The following GBE1 variants were observed in gnomAD, a reference collection of about 807,000 sequenced individuals.
GBE1 encodes the protein 1,4-alpha-glucan branching enzyme 1, also known as 1,4-alpha-glucan-branching enzyme.
GBE1 carries 70 observed loss-of-function variants against 88.8 expected under a neutral mutation model. That is an observed-to-expected ratio of 0.79 (90% CI 0.65 to 0.96). GBE1 has a LOEUF of 0.96. Ranked by LOEUF, GBE1 falls within the 40% of genes least tolerant of loss-of-function variation. The pLI is 0.00. For missense variants in GBE1, 872 were observed against 871.0 expected (o/e 1.00, Z -0.01); for synonymous variants, 284 against 300.1 (o/e 0.95, Z 0.56).
intron 12 of GBE1, among the ~76,000 whole-genome samples, chr3:81,570,342 T>C (rs961335399): frequency 2.8e-4 from 42 of 152,220 alleles, no homozygotes; most frequent in African/African-American, 8.9e-4. Flanking sequence ...GATTCAGAAC[T>C]CATAACTGAT....
intron 7 of GBE1, chr3:81,612,957 G>A (rs762804707): frequency 6.5e-5 from 26 of 397,848 alleles, no homozygotes; most frequent in Non-Finnish European, 1.1e-4. Flanking sequence ...TGATGATGAC[G>A]ATGATGACGC....
intron 2 of GBE1, among the ~76,000 whole-genome samples, chr3:81,699,646 G>A (rs9837005): frequency 6.6e-6 from 1 of 152,132 alleles, no homozygotes; most frequent in South Asian, 2.1e-4. Flanking sequence ...GGAGAAAGAT[G>A]TAGGCTGGGA....
Position 81,550,149 on chromosome 3 carries a change from A to G in GBE1, c.1619-13054T>C, listed in dbSNP as rs1024949701. Among the ~76,000 whole-genome samples, 7 of 151,448 alleles carry G rather than the reference A, an allele frequency of 4.6e-5. 1 individual carries two copies. Among genetic ancestry groups the G allele is most frequent in the Non-Finnish European group, 7.4e-5 (5 of 67,640 alleles). ...CTTCTAATTCAGTTTACTTGAGATAATTTTACTTATTTTACTTTACTCTTT... is the reference window on the plus strand; with the variant it reads ...CTTCTAATTCAGTTTACTTGAGATAGTTTTACTTATTTTACTTTACTCTTT... On this transcript the variant is annotated intron_variant, in intron 12 of 15. Transcript: ENST00000429644.
chr3:81,638,852 G>A (rs1012760110), intron 7 of GBE1, among the ~76,000 whole-genome samples: 2 of 152,098 alleles, frequency 1.3e-5, no homozygotes, highest in Non-Finnish European at 1.5e-5. Flanking sequence ...ATATAGATAG[G>A]ATAAAATGAG....
chr3:81,752,139 T>A (rs539005374), intron 1 of GBE1, among the ~76,000 whole-genome samples: 1 of 152,126 alleles, frequency 6.6e-6, no homozygotes, highest in African/African-American at 2.4e-5. Context: ...GTTTTATGCA[T>A]CTTATGGCAA....
At chr3:81,697,916 C>T (rs768283601) in intron 2 of GBE1, among the ~76,000 whole-genome samples, 21 of 151,080 alleles carry the variant, frequency 1.4e-4, no homozygotes, top group South Asian at 8.4e-4. Flanking sequence ...GAGCCATGAA[C>T]CATGGATAAA....
chr3:81,531,263 G>A (rs1490745628), intron 14 of GBE1, among the ~76,000 whole-genome samples: 1 of 151,886 alleles, frequency 6.6e-6, no homozygotes, highest in Non-Finnish European at 1.5e-5. Context: ...AGAAATGCCA[G>A]CTAGGAGCTA....
rs532580466 is a variant in GBE1 at position 81,501,475 on chromosome 3, T to A, written c.1935-2248A>T. Among the ~76,000 whole-genome samples, 5 of 152,186 alleles carry A rather than the reference T, an allele frequency of 3.3e-5. No individual in the cohort carries two copies. The South Asian group carries it at 8.3e-4, about 25-fold the overall frequency. ...TTTCTCAAACAGCTTCAGCTCAAAATAATCAATAAGCCAAAGTGGCATATT... is the reference window on the plus strand; with the variant it reads ...TTTCTCAAACAGCTTCAGCTCAAAAAAATCAATAAGCCAAAGTGGCATATT... On this transcript the variant is annotated intron_variant, in intron 14 of 15. Transcript: ENST00000429644.
intron 1 of GBE1, 31 bp from the exon 2 acceptor site, chr3:81,705,644 G>A: frequency 7.0e-7 from 1 of 1,435,846 alleles, no homozygotes; most frequent in Non-Finnish European, 9.3e-7. Context: ...AAATGAGTTA[G>A]AAAATTAAAT....
At chr3:81,605,568 A>G (rs1256340036) in intron 7 of GBE1, among the ~76,000 whole-genome samples, 1 of 152,206 alleles carries the variant, frequency 6.6e-6, no homozygotes, top group African/African-American at 2.4e-5. Context: ...TCTAATACTT[A>G]CAAATATATA....
chr3:81,617,144 T>C (rs1407918894), intron 7 of GBE1, among the ~76,000 whole-genome samples: 1 of 151,976 alleles, frequency 6.6e-6, no homozygotes, highest in Non-Finnish European at 1.5e-5. Context: ...ATTCTATATA[T>C]ACAATCATGT....
At position 81,727,087 on chromosome 3, in the gene GBE1, C is replaced by A. The variant is rs775486877; in HGVS notation, c.144-21474G>T. On this transcript the variant is annotated intron_variant, in intron 1 of 15. Transcript: ENST00000429644. ...AATGATACCCATAGTAACATCCAGTCAACCTAATTTCCACACTGAGACAGT... is the reference window on the plus strand; with the variant it reads ...AATGATACCCATAGTAACATCCAGTAAACCTAATTTCCACACTGAGACAGT... Among the ~76,000 whole-genome samples the A allele has an allele frequency of 3.3e-5, 5 of 152,226 alleles. No individual in the cohort carries two copies. In the East Asian group the frequency reaches 5.8e-4, roughly 18 times the overall value.
At chr3:81,659,508 T>C (rs2107094090) in intron 3 of GBE1, among the ~76,000 whole-genome samples, 1 of 149,758 alleles carries the variant, frequency 6.7e-6, no homozygotes, top group African/African-American at 2.4e-5. Flanking sequence ...GCTAATTTTT[T>C]TTTTTTTTTT....
chr3:81,686,431 G>A (rs1029701278), intron 2 of GBE1, among the ~76,000 whole-genome samples: 5 of 152,202 alleles, frequency 3.3e-5, no homozygotes, highest in Admixed American at 1.3e-4. Context: ...AAAGAAGGAT[G>A]TATTCTGCAT....
chr3:81,599,590 T>C (rs533385704), intron 7 of GBE1, among the ~76,000 whole-genome samples: 2 of 152,274 alleles, frequency 1.3e-5, no homozygotes, highest in South Asian at 4.1e-4. Flanking sequence ...TAAGTATTTG[T>C]ATATCTAAAC....
intron 2 of GBE1, among the ~76,000 whole-genome samples, chr3:81,694,890 C>G (rs982037303): frequency 4.6e-5 from 7 of 152,124 alleles, no homozygotes; most frequent in African/African-American, 1.7e-4. Context: ...AAAAAGACCT[C>G]AGGCTTCATT....
chr3:81,520,378 A>C (rs928638260), intron 14 of GBE1, among the ~76,000 whole-genome samples: 14 of 151,580 alleles, frequency 9.2e-5, no homozygotes, highest in South Asian at 4.1e-4. Context: ...CTTTATAAAA[A>C]TGATTAGCAA....
At position 81,721,243 on chromosome 3, in the gene GBE1, G is replaced by GAAAA. The variant is rs1411695091; in HGVS notation, c.144-15634_144-15631dup. On this transcript the variant is annotated intron_variant, in intron 1 of 15. Coordinates refer to ENST00000429644, the MANE Select transcript of GBE1 (RefSeq NM_000158.4). ...AATAAATAAATAAATAAAAACACAT[G>GAAAA]AAAAAAAAAAAAAAGAAAGAAAACC... 2.1e-3 allele frequency among the ~76,000 whole-genome samples: 120 copies of GAAAA among 58,040 alleles called. 1 individual carries two copies. The highest frequency in any genetic ancestry group is 0.014 in the Middle Eastern group (2 of 144). The allele number at this position is 58,040 out of a possible 152,430, so 38.1% of individuals were successfully genotyped here.
Position 81,717,571 on chromosome 3 carries a change from A to G in GBE1, c.144-11958T>C, listed in dbSNP as rs116473537. On this transcript the variant is annotated intron_variant, in intron 1 of 15. Transcript: ENST00000429644. ...CAAAAATGCTATCCTCACCACGGGA[A>G]AAACAAAATGGAGAGGGAGGTTAAA... is the stretch of plus-strand genomic sequence containing the variant. Among the ~76,000 whole-genome samples the G allele has an allele frequency of 3.8e-3, 581 of 152,306 alleles. 3 individuals carry two copies. Among genetic ancestry groups the G allele is most frequent in the African/African-American group, 9.9e-3 (410 of 41,564 alleles).
Sources: allele counts gnomAD v4.1 joint callset (sites outside exome capture counted in the v4.1 genomes callset), GRCh38; gene constraint gnomAD v4.1.1; transcripts MANE v1.5; gene names NCBI Gene and HGNC (gene_info 2026-07-23, HGNC 2026-07-21).